The following ATG13 variants were observed in gnomAD, a reference collection of about 807,000 sequenced individuals.
ATG13 encodes autophagy related 13, also known as autophagy-related protein 13.
In ATG13, 23 loss-of-function variants were observed where a neutral mutation model predicts 65.5. That is an observed-to-expected ratio of 0.35 (90% CI 0.25 to 0.50). The LOEUF is 0.50. Among genes scored for constraint, ATG13 ranks in the 20% least tolerant of loss-of-function variants. The pLI is 0.98. For missense variants in ATG13, 566 were observed against 677.0 expected, an observed-to-expected ratio of 0.84 and a Z score of 1.82; for synonymous variants, 252 against 245.2, an observed-to-expected ratio of 1.03 and a Z score of -0.26.
chr11:46,644,991 C>T (rs2057149267), intron 3 of ATG13, among the ~76,000 whole-genome samples: 1 of 152,080 alleles, frequency 6.6e-6, no homozygotes, highest in South Asian at 2.1e-4. Context: ...AAGTTTGTGG[C>T]AGGGAATATT....
chr11:46,668,635 T>C (rs1447551258), intron 16 of ATG13, 59 bp downstream of exon 16: 8 of 1,571,502 alleles, frequency 5.1e-6, no homozygotes, highest in East Asian at 2.2e-5. Flanking sequence ...TTGTTCTTCC[T>C]GAGCCAGAGT....
chr11:46,656,086 G>A, intron 7 of ATG13, 147 bp from the exon 8 acceptor site: 1 of 664,052 alleles, frequency 1.5e-6, no homozygotes, highest in Non-Finnish European at 2.6e-6. Flanking sequence ...AATTGAAGTA[G>A]TAGGAATTAC....
chr11:46,618,191 C>T, intron 1 of ATG13: 1 of 302,154 alleles, frequency 3.3e-6, no homozygotes, highest in Non-Finnish European at 6.0e-6. Flanking sequence ...GGTTGGGTGC[C>T]AATATGAGTG....
intron 1 of ATG13, among the ~76,000 whole-genome samples, chr11:46,627,808 G>A (rs780683410): frequency 5.9e-5 from 9 of 152,098 alleles, no homozygotes; most frequent in South Asian, 2.1e-4. Context: ...AAGGCCAAGC[G>A]CAGTGGCTCA....
intron 14 of ATG13, among the ~76,000 whole-genome samples, 182 bp from the exon 15 acceptor site, chr11:46,667,591 C>T (rs879854980): frequency 6.6e-6 from 1 of 152,192 alleles, no homozygotes; most frequent in Admixed American, 6.5e-5. Flanking sequence ...CCTCTACAAT[C>T]AACTCAAAAG....
chr11:46,638,130 G>T (rs2054622569), intron 2 of ATG13, among the ~76,000 whole-genome samples: 1 of 152,076 alleles, frequency 6.6e-6, no homozygotes, highest in Non-Finnish European at 1.5e-5. Flanking sequence ...TCTTTGTGAT[G>T]AGAACATTTA....
intron 14 of ATG13, 72 bp downstream of exon 14, chr11:46,665,591 T>G: frequency 6.4e-7 from 1 of 1,554,576 alleles, no homozygotes; most frequent in South Asian, 1.2e-5. Context: ...CACGTGCTTA[T>G]TTAGAATTAG....
rs778390759 is a variant in ATG13, at chr11:46,659,414, G to A, written c.718G>A (p.Val240Ile). 2 of 1,613,804 alleles carry A rather than the reference G, an allele frequency of 1.2e-6. No individual in the cohort carries two copies. Among genetic ancestry groups the A allele is most frequent in the Admixed American group, 1.7e-5 (1 of 60,024 alleles). The change falls in exon 11 of 19, where the codon GTA becomes ATA. Residue 240 changes from valine (V) to isoleucine (I), a missense_variant. Coordinates refer to ENST00000683050, the MANE Select transcript of ATG13 (RefSeq NM_001346311.2). ...NYRTAGEDTG[V>I]IYPSVEDSQE... ...TAGAACTGCTGGTGAGGACACTGGA[G>A]TAATATACCCGTCTGTAGAAGACTC...
rs780094867 is a variant in ATG13 at position 46,672,729 on chromosome 11, A to T, written c.*397A>T. On this transcript the variant is annotated 3_prime_UTR_variant, in exon 19 of 19. Coordinates refer to ENST00000683050, the MANE Select transcript of ATG13 (RefSeq NM_001346311.2). ...GCCTGCTGTCACCATCCACTGTTTGACATTCCAGCTGGTGGCCAAGAGATT... is the reference window on the plus strand; with the variant it reads ...GCCTGCTGTCACCATCCACTGTTTGTCATTCCAGCTGGTGGCCAAGAGATT... The T allele has an allele frequency of 1.0e-5, 14 of 1,351,818 alleles. No homozygotes were observed. The highest frequency in any genetic ancestry group is 1.4e-5 in the Non-Finnish European group (14 of 1,025,224). The allele number at this position is 1,351,818 out of a possible 1,614,324, so 83.7% of individuals were successfully genotyped here.
At chr11:46,668,984 C>G in intron 17 of ATG13, 74 bp downstream of exon 17, 7 of 1,228,718 alleles carry the variant, frequency 5.7e-6, no homozygotes, top group South Asian at 5.1e-5. Context: ...TGCACTTGAT[C>G]CAGATTTCCT....
intron 14 of ATG13, among the ~76,000 whole-genome samples, chr11:46,666,276 C>CAG (rs2062342987): frequency 6.6e-6 from 1 of 152,102 alleles, no homozygotes. Context: ...AAGGGGTTGT[C>CAG]AGATGTTTTT....
In ATG13 at chr11:46,669,458, CGGGA is replaced by C; in HGVS notation, c.1503_1506del (p.Glu502PhefsTer7). On this transcript the variant is annotated frameshift_variant, in exon 18 of 19. Transcript: ENST00000683050. LOFTEE classifies it high-confidence loss of function. ...TCCGATGGACCTGGGGACCTTCTATCGGGAGTTTCAGAACCCACCTCAGCTGAGC... is the reference window on the plus strand; with the variant it reads ...TCCGATGGACCTGGGGACCTTCTATCGTTTCAGAACCCACCTCAGCTGAGC... 1 of 1,614,080 alleles carries C rather than the reference CGGGA, an allele frequency of 6.2e-7. No homozygotes were observed. Among genetic ancestry groups the C allele is most frequent in the Non-Finnish European group, 8.5e-7 (1 of 1,179,968 alleles).
At chr11:46,655,958 T>G (rs1170191153) in intron 7 of ATG13, among the ~76,000 whole-genome samples, 3 of 152,174 alleles carry the variant, frequency 2.0e-5, no homozygotes, top group Non-Finnish European at 4.4e-5. Context: ...GGTCTTGAAC[T>G]CCTGGCCTCA....
At chr11:46,655,059 A>G (rs1356163343) in intron 7 of ATG13, among the ~76,000 whole-genome samples, 1 of 151,774 alleles carries the variant, frequency 6.6e-6, no homozygotes, top group African/African-American at 2.4e-5. Flanking sequence ...AGATGGTGCC[A>G]TTGCACTCCA....
rs2062681053 is a variant in ATG13, at chr11:46,667,729, G to A, written c.1137-44G>A. 2.0e-6 allele frequency: 3 copies of A among 1,478,534 alleles called. No homozygotes were observed. The East Asian group carries it at 6.9e-5, about 34-fold the overall frequency. The allele number at this position is 1,478,534 out of a possible 1,614,324, so 91.6% of individuals were successfully genotyped here. On this transcript the variant is annotated intron_variant, in intron 14 of 18. Transcript: ENST00000683050. The stretch of plus-strand genomic sequence containing the variant: ...TATTTATAGTGAACTAAGTCGTCCT[G>A]CTGTGGTTTGAGAACGAGTACTAAC...
At chr11:46,627,531 C>T (rs765503256) in intron 1 of ATG13, among the ~76,000 whole-genome samples, 90 of 151,954 alleles carry the variant, frequency 5.9e-4, no homozygotes, top group Non-Finnish European at 2.4e-4. Context: ...AGTGCAATGG[C>T]GCGATCTCAG....
intron 10 of ATG13, among the ~76,000 whole-genome samples, chr11:46,658,461 T>G (rs1592088890): frequency 6.6e-6 from 1 of 152,238 alleles, no homozygotes; most frequent in East Asian, 1.9e-4. Flanking sequence ...TTTGGGAAGC[T>G]GAGATCTGTG....
Position 46,672,621 on chromosome 11 carries a change from C to A in ATG13, c.*289C>A. The stretch of plus-strand genomic sequence containing the variant: ...GGCCATCTGTGTGCCCTGCCCATCA[C>A]CAACTGCTTCCCAAGGGTGTCATCC... On this transcript the variant is annotated 3_prime_UTR_variant, in exon 19 of 19. Transcript: ENST00000683050. 1 of 1,411,276 alleles carries A rather than the reference C, an allele frequency of 7.1e-7. No homozygotes were observed. The highest frequency in any genetic ancestry group is 1.2e-5 in the South Asian group (1 of 86,700). The allele number at this position is 1,411,276 out of a possible 1,614,324, so 87.4% of individuals were successfully genotyped here. A position where few individuals can be genotyped will look rare whatever the true frequency, so the allele number is the denominator to read the frequency against.
At chr11:46,667,044 C>T (rs2062528558) in intron 14 of ATG13, among the ~76,000 whole-genome samples, 2 of 152,142 alleles carry the variant, frequency 1.3e-5, no homozygotes, top group Non-Finnish European at 1.5e-5. Context: ...TTTTCTGAGC[C>T]TTGACTCTTG....
Sources: gnomAD v4.1 joint callset for allele counts (sites outside exome capture counted in the v4.1 genomes callset) on GRCh38, gnomAD v4.1.1 for gene constraint, MANE v1.5 for transcripts, NCBI Gene and HGNC (gene_info 2026-07-23, HGNC 2026-07-21) for gene names.